The following QDPR variants were observed in gnomAD, a reference collection of about 807,000 sequenced individuals.
The protein encoded by QDPR is dihydropteridine reductase.
QDPR carries 23 observed loss-of-function variants against 31.7 expected under a neutral mutation model. The ratio of observed to expected loss-of-function variants is 0.73; its 90% CI spans 0.52 to 1.03. The LOEUF is 1.03. QDPR is among the 50% of genes least tolerant of loss of function. QDPR has a pLI of 0.00. For missense variants in QDPR, 324 were observed against 323.8 expected (o/e 1.00, Z 0.00); for synonymous variants, 124 against 124.7 (o/e 0.99, Z 0.03).
chr4:17,499,409 T>C (rs929745302), intron 4 of QDPR, among the ~76,000 whole-genome samples: 3 of 152,248 alleles, frequency 2.0e-5, no homozygotes, highest in Non-Finnish European at 4.4e-5. Flanking sequence ...AATGTCAAGC[T>C]AAGACTCATT....
intron 1 of QDPR, 88 bp from the exon 2 acceptor site, chr4:17,509,451 G>C (rs1718918633): frequency 8.4e-7 from 1 of 1,190,300 alleles, no homozygotes; most frequent in Non-Finnish European, 1.2e-6. Flanking sequence ...AGTTGGCCAG[G>C]TGTAGTGGTT....
rs731437 is a variant in QDPR, at chr4:17,490,522, T to C, written c.629+140A>G. ...CTCTGAGATTCCGTCTGATGTGCAA[T>C]GCATCCTCAGAGTCCCAGAGACCTC... On this transcript the variant is annotated intron_variant, in intron 6 of 6. Coordinates refer to ENST00000281243, the MANE Select transcript of QDPR (RefSeq NM_000320.3). 0.63 allele frequency: 436,038 copies of C among 688,946 alleles called. 139,148 individuals are homozygous for C. Among genetic ancestry groups the C allele is most frequent in the East Asian group, 0.72 (25,223 of 34,982 alleles). The allele number at this position is 688,946 out of a possible 1,614,324, so 42.7% of individuals were successfully genotyped here. A position where few individuals can be genotyped will look rare whatever the true frequency, so the allele number is the denominator to read the frequency against.
chr4:17,487,212 C>T lies in QDPR; in HGVS notation c.654G>A (p.Gly218=), dbSNP rs961739464. 5.6e-6 allele frequency: 9 copies of T among 1,614,054 alleles called. No individual in the cohort carries two copies. The highest frequency in any genetic ancestry group is 7.6e-6 in the Non-Finnish European group (9 of 1,179,990). ...GGCTTCCTGAGCTCGGTCGGTTTTT[C>T]CCTGTGATCCAGTCATGGAAAGTTC... ...LVETFHDWIT[G]KNRPSSGSLI... The change falls in exon 7 of 7, where the codon GGG becomes GGA. Residue 218 remains glycine (G), a synonymous_variant. Coordinates refer to ENST00000281243, the MANE Select transcript of QDPR (RefSeq NM_000320.3).
At chr4:17,487,391 T>G (rs1016059041) in intron 6 of QDPR, among the ~76,000 whole-genome samples, 155 bp from the exon 7 acceptor site, 1 of 152,192 alleles carries the variant, frequency 6.6e-6, no homozygotes, top group Non-Finnish European at 1.5e-5. Context: ...GGCTCACACC[T>G]GTGATCCCAG....
At chr4:17,498,472 G>A (rs549888998) in intron 4 of QDPR, among the ~76,000 whole-genome samples, 48 of 152,180 alleles carry the variant, frequency 3.2e-4, no homozygotes, top group Middle Eastern at 3.4e-3. Context: ...GACTCCATTC[G>A]AACAACACAA....
At chr4:17,500,200 G>A (rs752332053) in intron 4 of QDPR, among the ~76,000 whole-genome samples, 2 of 152,028 alleles carry the variant, frequency 1.3e-5, no homozygotes, top group African/African-American at 2.4e-5. Flanking sequence ...TGATCCACCC[G>A]CCTTGGCCTC....
chr4:17,496,906 G>A (rs1406395633), intron 4 of QDPR, among the ~76,000 whole-genome samples: 1 of 152,124 alleles, frequency 6.6e-6, no homozygotes, highest in Non-Finnish European at 1.5e-5. Flanking sequence ...ACAGGTGACT[G>A]CCACAACAGC....
chr4:17,487,899 G>A (rs538489551), intron 6 of QDPR, among the ~76,000 whole-genome samples: 1 of 152,298 alleles, frequency 6.6e-6, no homozygotes, highest in South Asian at 2.1e-4. Flanking sequence ...CTGAGTGGCA[G>A]GATTTGGCAT....
chr4:17,491,084 C>T (rs1204394055), intron 5 of QDPR, among the ~76,000 whole-genome samples: 1 of 152,180 alleles, frequency 6.6e-6, no homozygotes, highest in Non-Finnish European at 1.5e-5. Context: ...TCTTTATTCA[C>T]TCCCTAACAT....
At chr4:17,504,354 AT>A (rs1248291569) in intron 3 of QDPR, 24 bp downstream of exon 3, 1 of 1,597,606 alleles carries the variant, frequency 6.3e-7, no homozygotes, top group East Asian at 2.2e-5. Flanking sequence ...AGCAGAACAA[AT>A]GAGTGACTCA....
At chr4:17,500,408 G>A (rs185610445) in intron 4 of QDPR, among the ~76,000 whole-genome samples, 2 of 152,104 alleles carry the variant, frequency 1.3e-5, no homozygotes, top group African/African-American at 2.4e-5. Flanking sequence ...CCCAACATTC[G>A]TATATTGAAG....
intron 5 of QDPR, among the ~76,000 whole-genome samples, chr4:17,491,919 T>C (rs1453915456): frequency 6.6e-6 from 1 of 152,084 alleles, no homozygotes; most frequent in African/African-American, 2.4e-5. Flanking sequence ...TGTGAGCACA[T>C]ATAGAAGGCG....
At chr4:17,488,824 T>C (rs554806504) in intron 6 of QDPR, among the ~76,000 whole-genome samples, 6 of 152,272 alleles carry the variant, frequency 3.9e-5, no homozygotes, top group Admixed American at 1.3e-4. Flanking sequence ...AACAAGCTCA[T>C]ATGAGCACAT....
intron 4 of QDPR, among the ~76,000 whole-genome samples, chr4:17,500,241 C>T (rs190509673): frequency 8.7e-4 from 132 of 151,714 alleles, no homozygotes; most frequent in African/African-American, 2.8e-3. Context: ...GTGTGAGCCA[C>T]TGCACCCGGC....
At position 17,512,078 on chromosome 4, in the gene QDPR, C is replaced by T. The variant is rs529698353; in HGVS notation, c.-24G>A. ...ATCCTGCTCCTGCCAGCCCGGCTCC[C>T]GCAGCTCCGAATGCCTCGAGCCGGA... On this transcript the variant is annotated 5_prime_UTR_variant, in exon 1 of 7. Transcript: ENST00000281243. The T allele has an allele frequency of 3.2e-6, 5 of 1,554,068 alleles. No individual in the cohort carries two copies. The African/African-American group carries it at 4.2e-5, about 13-fold the overall frequency.
At chr4:17,498,480 C>A (rs945283369) in intron 4 of QDPR, among the ~76,000 whole-genome samples, 6 of 152,242 alleles carry the variant, frequency 3.9e-5, no homozygotes, top group Admixed American at 1.3e-4. Flanking sequence ...TCGAACAACA[C>A]AACACAAGAG....
intron 4 of QDPR, among the ~76,000 whole-genome samples, chr4:17,497,453 C>T (rs551101941): frequency 5.7e-4 from 87 of 151,982 alleles, no homozygotes; most frequent in African/African-American, 2.0e-3. Flanking sequence ...TAATGTAGCC[C>T]GGTCTCACAC....
rs1179699442 is a variant in QDPR at position 17,511,995 on chromosome 4, G to A, written c.60C>T (p.Gly20=). 1 of 1,610,022 alleles carries A rather than the reference G, an allele frequency of 6.2e-7. No individual in the cohort carries two copies. The highest frequency in any genetic ancestry group is 2.2e-5 in the East Asian group (1 of 44,754). The change falls in exon 1 of 7, where the codon GGC becomes GGT. Residue 20 remains glycine (G), a synonymous_variant. Transcript: ENST00000281243. ...CCTGCACGCATCGAGAACCCAGAGC[G>A]CCCCTGCCGCCGTACACCAGCACCC... is the stretch of plus-strand genomic sequence containing the variant. The part of the protein sequence containing the change: ...ARRVLVYGGR[G]ALGSRCVQAF...
chr4:17,493,485 C>T lies in QDPR; in HGVS notation c.437-1145G>A, dbSNP rs533816497. Among the ~76,000 whole-genome samples the T allele has an allele frequency of 1.1e-4, 17 of 149,984 alleles. No homozygotes were observed. In the South Asian group the frequency reaches 1.4e-3, roughly 13 times the overall value. ...CACAAGTCCTGGGCCACTTAGACTTCTGACCAACAAGCTTAATCAGGGGTT... is the reference window on the plus strand; with the variant it reads ...CACAAGTCCTGGGCCACTTAGACTTTTGACCAACAAGCTTAATCAGGGGTT... On this transcript the variant is annotated intron_variant, in intron 4 of 6. Transcript: ENST00000281243.
Sources: allele counts gnomAD v4.1 joint callset (sites outside exome capture counted in the v4.1 genomes callset), GRCh38; gene constraint gnomAD v4.1.1; transcripts MANE v1.5; gene names NCBI Gene and HGNC (gene_info 2026-07-23, HGNC 2026-07-21).